The following NEK1 variants were observed in gnomAD, a reference collection of about 807,000 sequenced individuals.
NEK1 encodes serine/threonine-protein kinase Nek1.
A neutral mutation model predicts 182.1 loss-of-function variants in NEK1; 137 were observed. The observed-to-expected ratio is 0.75, with a 90% CI of 0.65 to 0.87. The LOEUF is 0.87. NEK1 is among the 40% of genes least tolerant of loss of function. The pLI, the probability that NEK1 is intolerant of heterozygous loss-of-function variation, is 0.00. For synonymous variants in NEK1, 513 were observed against 492.2 expected, an observed-to-expected ratio of 1.04 and a Z score of -0.56; for missense variants, 1,391 against 1,494.4, an observed-to-expected ratio of 0.93 and a Z score of 1.14.
chr4:169,427,919 T>C (rs938196705), intron 29 of NEK1, among the ~76,000 whole-genome samples: 2 of 151,838 alleles, frequency 1.3e-5, no homozygotes, highest in Non-Finnish European at 2.9e-5. Flanking sequence ...TGATCTCCTG[T>C]GCTCATGTGA....
intron 19 of NEK1, among the ~76,000 whole-genome samples, chr4:169,512,196 C>G (rs983356020): frequency 5.9e-5 from 9 of 152,098 alleles, no homozygotes; most frequent in African/African-American, 2.2e-4. Flanking sequence ...AACTGTGAAA[C>G]TATTTTGCAC....
intron 23 of NEK1, among the ~76,000 whole-genome samples, chr4:169,504,795 A>G (rs1561310889): frequency 1.3e-5 from 2 of 152,188 alleles, no homozygotes; most frequent in Non-Finnish European, 2.9e-5. Context: ...AATGAATAAG[A>G]TTCAGTATTT....
rs767725709 is a variant in NEK1, at chr4:169,537,027, G to A, written c.1665+782C>T. Among the ~76,000 whole-genome samples the A allele has an allele frequency of 4.1e-4, 63 of 152,036 alleles. 1 individual carries two copies. Among genetic ancestry groups the A allele is most frequent in the Non-Finnish European group, 7.8e-4 (53 of 68,000 alleles). On this transcript the variant is annotated intron_variant, in intron 19 of 35. Transcript: ENST00000507142. ...ATTAACTCACAAAGATACCACTTACGAACTTACAACAGATATGTAATAAGT... is the reference window on the plus strand; with the variant it reads ...ATTAACTCACAAAGATACCACTTACAAACTTACAACAGATATGTAATAAGT...
intron 30 of NEK1, 57 bp downstream of exon 30, chr4:169,426,089 T>C: frequency 8.0e-7 from 1 of 1,255,590 alleles, no homozygotes; most frequent in South Asian, 1.3e-5. Flanking sequence ...AACAGGTTGA[T>C]GTTAATAATC....
At chr4:169,398,030 C>T (rs538007090) in intron 35 of NEK1, among the ~76,000 whole-genome samples, 2 of 152,252 alleles carry the variant, frequency 1.3e-5, no homozygotes, top group South Asian at 2.1e-4. Flanking sequence ...CCTCTGGCTT[C>T]GTGCCATTAA....
At chr4:169,397,350 A>G (rs981803489) in intron 35 of NEK1, among the ~76,000 whole-genome samples, 7 of 152,202 alleles carry the variant, frequency 4.6e-5, no homozygotes, top group African/African-American at 1.2e-4. Flanking sequence ...TATGAAATCT[A>G]TATCTAGTCA....
rs761454892 is a variant in NEK1 at position 169,477,159 on chromosome 4, T to G, written c.2399A>C (p.Glu800Ala). ...AGGQLVIPLD[E>A]LTLDTSFSTT... ...AGAGAAGGATGTATCTAGTGTTAAC[T>G]CATCCAGAGGAATCACAAGTTGACC... Residue 800 changes from glutamate to alanine, a missense_variant, in exon 26 of 36, where the codon GAG (glutamate) becomes GCG (alanine). Physicochemically the swap from Glu to Ala is moderately radical, Grantham distance 107. Coordinates refer to ENST00000507142, the MANE Select transcript of NEK1 (RefSeq NM_001199397.3). 6.2e-7 allele frequency: 1 copy of G among 1,606,910 alleles called. No homozygotes were observed. Among genetic ancestry groups the G allele is most frequent in the African/African-American group, 1.3e-5 (1 of 74,914 alleles).
chr4:169,546,540 T>A (rs370078583), intron 18 of NEK1, among the ~76,000 whole-genome samples: 1 of 152,296 alleles, frequency 6.6e-6, no homozygotes, highest in East Asian at 1.9e-4. Flanking sequence ...ATATCCTTGT[T>A]AATTTTGTGT....
intron 19 of NEK1, among the ~76,000 whole-genome samples, chr4:169,526,285 T>C (rs986197563): frequency 6.6e-6 from 1 of 152,130 alleles, no homozygotes. Flanking sequence ...AGCTAGGAGT[T>C]TGAGGCCAGC....
intron 28 of NEK1, among the ~76,000 whole-genome samples, chr4:169,435,356 G>A (rs773579478): frequency 6.6e-6 from 1 of 152,134 alleles, no homozygotes; most frequent in Non-Finnish European, 1.5e-5. Flanking sequence ...CATTACATCA[G>A]GGATTAGATT....
chr4:169,487,909 G>C (rs28877293), intron 23 of NEK1, among the ~76,000 whole-genome samples: 42,889 of 152,056 alleles, frequency 0.28, 8,587 homozygotes, highest in African/African-American at 0.57. Context: ...TTTCTCTAAT[G>C]ATCAGAGATG....
At chr4:169,457,805 T>A (rs1337544507) in intron 27 of NEK1, among the ~76,000 whole-genome samples, 1 of 149,386 alleles carries the variant, frequency 6.7e-6, no homozygotes, top group African/African-American at 2.5e-5. Context: ...TGTCCTAAAA[T>A]TGAGAGGATA....
chr4:169,595,922 CAAAAAAAA>C (rs56313001), intron 5 of NEK1, among the ~76,000 whole-genome samples: 25 of 67,194 alleles, frequency 3.7e-4, no homozygotes, highest in African/African-American at 1.5e-3. Flanking sequence ...GACTCCACCT[CAAAAAAAA>C]AAAAAAAAAA....
intron 32 of NEK1, among the ~76,000 whole-genome samples, chr4:169,402,639 T>G (rs1054641597): frequency 1.3e-5 from 2 of 152,218 alleles, no homozygotes; most frequent in Admixed American, 1.3e-4. Flanking sequence ...ATAGAACTTT[T>G]GTTTTTTAAA....
At chr4:169,558,872 C>CTTTAGT (rs1434144543) in intron 16 of NEK1, among the ~76,000 whole-genome samples, 1 of 152,020 alleles carries the variant, frequency 6.6e-6, no homozygotes, top group Non-Finnish European at 1.5e-5. Context: ...TTTTGAAATA[C>CTTTAGT]TTTAGTTTTA....
intron 27 of NEK1, among the ~76,000 whole-genome samples, chr4:169,450,929 G>T (rs1299629624): frequency 6.6e-6 from 1 of 152,106 alleles, no homozygotes; most frequent in Non-Finnish European, 1.5e-5. Flanking sequence ...CAAAATAAAG[G>T]AATGGAGGAA....
intron 32 of NEK1, among the ~76,000 whole-genome samples, chr4:169,406,325 C>G (rs1732604043): frequency 6.6e-6 from 1 of 151,778 alleles, no homozygotes; most frequent in Non-Finnish European, 1.5e-5. Context: ...AAAAAAAGAG[C>G]TAGGTAAGTT....
chr4:169,569,954 T>C (rs1219047520), intron 12 of NEK1, among the ~76,000 whole-genome samples: 11 of 137,392 alleles, frequency 8.0e-5, no homozygotes, highest in African/African-American at 2.7e-4. Flanking sequence ...TGGCCGCCCA[T>C]CGTCTGGGAC....
At chr4:169,413,281 T>C (rs7440486) in intron 31 of NEK1, among the ~76,000 whole-genome samples, 140,468 of 151,896 alleles carry the variant, frequency 0.92, 65,034 homozygotes, top group Middle Eastern at 0.98. Flanking sequence ...GATCCTCCCA[T>C]CTCTGCCTCC....
Sources: gnomAD v4.1 joint callset for allele counts (sites outside exome capture counted in the v4.1 genomes callset) on GRCh38, gnomAD v4.1.1 for gene constraint, MANE v1.5 for transcripts, NCBI Gene and HGNC (gene_info 2026-07-23, HGNC 2026-07-21) for gene names.